The following FAHD2B variants were observed in gnomAD, a reference collection of about 807,000 sequenced individuals.
FAHD2B encodes the protein fumarylacetoacetate hydrolase domain containing 2B, also known as oxaloacetate tautomerase FAHD2B, mitochondrial.
In FAHD2B, 26 loss-of-function variants were observed where a neutral mutation model predicts 33.7. The observed-to-expected ratio is 0.77, with a 90% CI of 0.57 to 1.07. The LOEUF (loss-of-function observed/expected upper bound fraction) is 1.07, where lower values mean the gene tolerates loss of function less well. FAHD2B is among the 50% of genes least tolerant of loss of function. The probability of loss-of-function intolerance (pLI) is 0.00; values close to 1 mark genes in which losing one functional copy is unlikely to be tolerated. For synonymous variants in FAHD2B, 108 were observed against 150.9 expected, an observed-to-expected ratio of 0.72 and a Z score of 2.08; for missense variants, 272 against 388.1, an observed-to-expected ratio of 0.70 and a Z score of 2.51.
At chr2:97,093,593 G>A (rs2032487090) in intron 1 of FAHD2B, among the ~76,000 whole-genome samples, 1 of 149,544 alleles carries the variant, frequency 6.7e-6, no homozygotes, top group Non-Finnish European at 1.5e-5. Context: ...TCCTGCCTCA[G>A]CCTCCCCAGC....
chr2:97,082,306 G>A, downstream of FAHD2B: 1 of 1,588,088 alleles, frequency 6.3e-7, no homozygotes, highest in East Asian at 2.3e-5. Context: ...AGGGCCAGCT[G>A]CCCGATACTG....
intron 3 of FAHD2B, among the ~76,000 whole-genome samples, chr2:97,090,530 C>T (rs982945654): frequency 6.6e-6 from 1 of 152,070 alleles, no homozygotes; most frequent in Non-Finnish European, 1.5e-5. Flanking sequence ...TATTGATTTC[C>T]TCTCCCCCTT....
chr2:97,080,104 C>A (rs2031592018), downstream of FAHD2B, among the ~76,000 whole-genome samples: 1 of 152,128 alleles, frequency 6.6e-6, no homozygotes, highest in Non-Finnish European at 1.5e-5. Flanking sequence ...AATTAGATCC[C>A]ATTTGTCAAT....
downstream of FAHD2B, among the ~76,000 whole-genome samples, chr2:97,082,926 T>C (rs1251811679): frequency 6.6e-6 from 1 of 152,038 alleles, no homozygotes; most frequent in Non-Finnish European, 1.5e-5. Context: ...TGGTGATGGG[T>C]TGGAGAAGGT....
chr2:97,086,461 C>T (rs2031998688), intron 4 of FAHD2B: 3 of 505,996 alleles, frequency 5.9e-6, no homozygotes, highest in Admixed American at 6.7e-5. Flanking sequence ...GTGTCCAGGG[C>T]ACTGAGTTTA....
In FAHD2B at chr2:97,084,252, G is replaced by A. The variant is rs762296956; in HGVS notation, c.711C>T (p.Cys237=). 1.2e-5 allele frequency: 20 copies of A among 1,613,588 alleles called. 2 individuals carry two copies. In the Admixed American group the frequency reaches 3.0e-4, roughly 24 times the overall value. Residue 237 remains cysteine (C), a synonymous_variant, in exon 7 of 9, where the codon TGC becomes TGT. Coordinates refer to ENST00000414820, the MANE Select transcript of FAHD2B (RefSeq NM_001320848.2). ...TCTGGACGACTTCCCCATTCACTCG[G>A]CAGCAGATCTTTAAGTTGTGTGGAT... ...VADPHNLKIC[C]RVNGEVVQSS... is the part of the protein sequence containing the mutation.
intron 6 of FAHD2B, among the ~76,000 whole-genome samples, chr2:97,084,968 G>A (rs2924050): frequency 7.2e-5 from 11 of 152,064 alleles, no homozygotes; most frequent in Non-Finnish European, 1.2e-4. Context: ...GGTTCTAGCC[G>A]GGACAGAGAA....
At chr2:97,079,747 C>T (rs1044743925), downstream of FAHD2B, among the ~76,000 whole-genome samples, 10 of 151,876 alleles carry the variant, frequency 6.6e-5, no homozygotes, top group Admixed American at 5.3e-4. Context: ...TCACGGCAAC[C>T]TCCACCTCCT....
rs779929013 is a variant in FAHD2B at position 97,083,994 on chromosome 2, G to A, written c.836C>T (p.Thr279Ile). 1.1e-5 allele frequency: 17 copies of A among 1,613,732 alleles called. No individual in the cohort carries two copies. The East Asian group carries it at 3.8e-4, about 36-fold the overall frequency. ...CCTGAATACACCGACACCTGGGGGG[G>A]TCCCAGTTAGGATGACATCCCCTGG... The part of the protein sequence containing the change: ...FYPGDVILTG[T>I]PPGVGVFRKP... The change falls in exon 8 of 9, where the codon ACC becomes ATC. Residue 279 changes from threonine (T) to isoleucine (I), a missense_variant. Physicochemically the swap from Thr to Ile is moderately conservative, Grantham distance 89. Transcript: ENST00000414820.
intron 4 of FAHD2B, among the ~76,000 whole-genome samples, chr2:97,089,339 T>TA (rs1211330814): frequency 2.6e-5 from 4 of 151,040 alleles, no homozygotes; most frequent in Non-Finnish European, 5.9e-5. Flanking sequence ...GCCAACATGG[T>TA]AAAACCCCAT....
downstream of FAHD2B, chr2:97,081,636 G>A: frequency 6.9e-7 from 1 of 1,448,432 alleles, no homozygotes; most frequent in Non-Finnish European, 9.1e-7. Context: ...GGGGTGGGCA[G>A]CCCCTGGCCT....
chr2:97,089,728 A>C (rs1446939748), intron 4 of FAHD2B: 1 of 196,374 alleles, frequency 5.1e-6, no homozygotes, highest in East Asian at 1.2e-4. Context: ...TAATGGCATG[A>C]AAAAATGCTC....
At chr2:97,078,835 G>A (rs1210118633), downstream of FAHD2B, among the ~76,000 whole-genome samples, 22 of 152,002 alleles carry the variant, frequency 1.4e-4, no homozygotes, top group African/African-American at 5.3e-4. Context: ...TGTCATAGGA[G>A]TTTGTTGTAC....
intron 1 of FAHD2B, among the ~76,000 whole-genome samples, chr2:97,092,940 T>C (rs1343399417): frequency 2.8e-5 from 3 of 106,172 alleles, no homozygotes; most frequent in Admixed American, 1.4e-4. Context: ...GCCACATCCC[T>C]CCAGCCCAGG....
chr2:97,083,203 A>G, downstream of FAHD2B: 2 of 1,608,774 alleles, frequency 1.2e-6, no homozygotes, highest in Non-Finnish European at 1.7e-6. Context: ...TACTTTTGCC[A>G]GCCAGGACAA....
intron 1 of FAHD2B, among the ~76,000 whole-genome samples, chr2:97,092,902 G>A (rs1247684246): frequency 6.7e-6 from 1 of 149,972 alleles, no homozygotes; most frequent in Non-Finnish European, 1.5e-5. Context: ...GAACACAGGA[G>A]GCAGAGGTTG....
downstream of FAHD2B, among the ~76,000 whole-genome samples, chr2:97,078,948 T>G (rs1014623296): frequency 1.3e-5 from 2 of 152,018 alleles, no homozygotes; most frequent in African/African-American, 2.4e-5. Context: ...CAGTGTGCAT[T>G]GTTCCTTTCT....
chr2:97,089,272 G>A (rs1391168719), intron 4 of FAHD2B, among the ~76,000 whole-genome samples: 3 of 151,904 alleles, frequency 2.0e-5, no homozygotes, highest in African/African-American at 2.4e-5. Context: ...TGTAATCCCA[G>A]CACTTTGGGA....
At chr2:97,079,581 A>C (rs1282917202), downstream of FAHD2B, among the ~76,000 whole-genome samples, 1 of 151,668 alleles carries the variant, frequency 6.6e-6, no homozygotes, top group Non-Finnish European at 1.5e-5. Context: ...TCTTTTGAAA[A>C]GTGTCTTTTC....
Sources: gnomAD v4.1 joint callset for allele counts (sites outside exome capture counted in the v4.1 genomes callset) on GRCh38, gnomAD v4.1.1 for gene constraint, MANE v1.5 for transcripts, NCBI Gene and HGNC (gene_info 2026-07-23, HGNC 2026-07-21) for gene names.